WIPF2: variants seen among roughly 807,000 people sequenced by gnomAD.
The protein encoded by WIPF2 is WAS/WASL-interacting protein family member 2.
In WIPF2, 23 loss-of-function variants were observed where a neutral mutation model predicts 38.8. The observed-to-expected ratio is 0.59, with a 90% CI of 0.43 to 0.84. WIPF2 has a LOEUF of 0.84. WIPF2 is among the 40% of genes least tolerant of loss of function. The probability of loss-of-function intolerance (pLI) is 0.00; values close to 1 mark genes in which losing one functional copy is unlikely to be tolerated. For missense variants in WIPF2, 574 were observed against 580.5 expected, an observed-to-expected ratio of 0.99 and a Z score of 0.11; for synonymous variants, 210 against 223.2, an observed-to-expected ratio of 0.94 and a Z score of 0.53.
At position 40,273,698 on chromosome 17, in the gene WIPF2, G is replaced by T. The variant is rs562667705; in HGVS notation, c.971-92G>T. The T allele has an allele frequency of 3.7e-5, 29 of 788,626 alleles. No individual in the cohort carries two copies. The Admixed American group carries it at 5.5e-4, about 15-fold the overall frequency. 48.9% of individuals were successfully genotyped at this position (788,626 alleles called of 1,614,324 possible). A position where few individuals can be genotyped will look rare whatever the true frequency, so the allele number is the denominator to read the frequency against. ...AACCAGGCACTGTGAGCCTCTGTGGGGTGTGTTACTCTTTTAGCTCATGTG... is the reference window on the plus strand; with the variant it reads ...AACCAGGCACTGTGAGCCTCTGTGGTGTGTGTTACTCTTTTAGCTCATGTG... On this transcript the variant is annotated intron_variant, in intron 5 of 7. Transcript: ENST00000323571.
At chr17:40,219,652 C>T (rs2030084521) in intron 1 of WIPF2, 160 bp downstream of exon 1, 1 of 8,512 alleles carries the variant, frequency 1.2e-4, no homozygotes. Flanking sequence ...CGGGTGGGGC[C>T]TGAGGGGCGG....
intron 1 of WIPF2, among the ~76,000 whole-genome samples, chr17:40,232,677 T>A (rs1434641159): frequency 6.6e-6 from 1 of 151,582 alleles, no homozygotes; most frequent in Non-Finnish European, 1.5e-5. Context: ...GTTTCACTCG[T>A]TGCCCAGGCT....
chr17:40,278,256 G>A lies in WIPF2; in HGVS notation c.*31G>A. ...GGCTTGGTCCCGTTCCTCAGGAAAA[G>A]GATGGACCTTCTCTTCTTCTCAGAT... On this transcript the variant is annotated 3_prime_UTR_variant, in exon 8 of 8. Coordinates refer to ENST00000323571, the MANE Select transcript of WIPF2 (RefSeq NM_133264.5). 1.2e-6 allele frequency: 2 copies of A among 1,611,860 alleles called. No homozygotes were observed. The highest frequency in any genetic ancestry group is 1.7e-6 in the Non-Finnish European group (2 of 1,178,920).
At chr17:40,277,350 C>T (rs1255434611) in intron 7 of WIPF2, among the ~76,000 whole-genome samples, 166 bp downstream of exon 7, 1 of 152,112 alleles carries the variant, frequency 6.6e-6, no homozygotes, top group Non-Finnish European at 1.5e-5. Context: ...AATTCGAGAC[C>T]AGCCTGACCA....
intron 1 of WIPF2, among the ~76,000 whole-genome samples, chr17:40,245,668 C>T (rs895840673): frequency 2.6e-5 from 4 of 151,954 alleles, no homozygotes; most frequent in East Asian, 3.9e-4. Flanking sequence ...TTGTTGTGGG[C>T]GGCTGTCTTA....
chr17:40,219,662 G>C (rs1476601326), intron 1 of WIPF2, 170 bp downstream of exon 1: 1 of 150,376 alleles, frequency 6.6e-6, no homozygotes, highest in African/African-American at 2.5e-5. Flanking sequence ...CTGAGGGGCG[G>C]GGGGCCGGGG....
At chr17:40,219,847 G>C (rs965399241) in intron 1 of WIPF2, 1 of 152,558 alleles carries the variant, frequency 6.6e-6, no homozygotes, top group Admixed American at 6.6e-5. Flanking sequence ...TGTGAGGAAC[G>C]AGGTAATCGT....
intron 1 of WIPF2, among the ~76,000 whole-genome samples, chr17:40,224,210 A>ATTTTT (rs748140162): frequency 8.8e-5 from 9 of 102,356 alleles, no homozygotes; most frequent in African/African-American, 3.3e-4. Flanking sequence ...CAGCCTGCTT[A>ATTTTT]TTTTTTTTTT....
In WIPF2 at chr17:40,219,410, A is replaced by G; in HGVS notation, c.-152A>G. On this transcript the variant is annotated 5_prime_UTR_variant, in exon 1 of 8. Coordinates refer to ENST00000323571, the MANE Select transcript of WIPF2 (RefSeq NM_133264.5). ...GCGGCGGCGGCGGCGACGGCGAGAAAGAGCTTGCCGGGGGGCGAGCAGGAC... is the reference window on the plus strand; with the variant it reads ...GCGGCGGCGGCGGCGACGGCGAGAAGGAGCTTGCCGGGGGGCGAGCAGGAC... 8.0e-6 allele frequency: 3 copies of G among 374,166 alleles called. No homozygotes were observed. Among genetic ancestry groups the G allele is most frequent in the Non-Finnish European group, 1.5e-5 (3 of 196,606 alleles). 23.2% of individuals were successfully genotyped at this position (374,166 alleles called of 1,614,324 possible). A position where few individuals can be genotyped will look rare whatever the true frequency, so the allele number is the denominator to read the frequency against.
chr17:40,236,984 G>C (rs1029607870), intron 1 of WIPF2, among the ~76,000 whole-genome samples: 6 of 151,976 alleles, frequency 3.9e-5, no homozygotes, highest in African/African-American at 1.5e-4. Flanking sequence ...CTTTATCCCT[G>C]ACATTCTGAA....
At chr17:40,254,628 G>C (rs2031662764) in intron 1 of WIPF2, among the ~76,000 whole-genome samples, 1 of 152,130 alleles carries the variant, frequency 6.6e-6, no homozygotes. Flanking sequence ...ATAAATGGCT[G>C]TCAGATTCCA....
At chr17:40,220,666 C>CCCTGTTGT (rs1448325625) in intron 1 of WIPF2, 1 of 142,230 alleles carries the variant, frequency 7.0e-6, no homozygotes, top group Non-Finnish European at 1.5e-5. Context: ...CAGAGTCTTG[C>CCCTGTTGT]CCTGTTGTCC....
At chr17:40,248,254 TCCCAGGTTCAAGTGATTCTC>T (rs1184099372) in intron 1 of WIPF2, among the ~76,000 whole-genome samples, 2 of 136,184 alleles carry the variant, frequency 1.5e-5, no homozygotes, top group South Asian at 5.0e-4. Context: ...AACTTCTGCC[TCCCAGGTTCAAGTGATTCTC>T]GCACTTCAGC....
intron 1 of WIPF2, among the ~76,000 whole-genome samples, chr17:40,226,188 G>GT (rs2030476074): frequency 7.2e-6 from 1 of 139,454 alleles, no homozygotes; most frequent in East Asian, 2.1e-4. Flanking sequence ...GGGATAGTTG[G>GT]TAAAAAAAAA....
chr17:40,279,794 A>G lies in WIPF2; in HGVS notation c.*1569A>G, dbSNP rs2032504530. The G allele has an allele frequency of 6.7e-6, 1 of 150,106 alleles. No homozygotes were observed. The highest frequency in any genetic ancestry group is 2.5e-5 in the African/African-American group (1 of 40,310). The allele number at this position is 150,106 out of a possible 1,614,324, so 9.3% of individuals were successfully genotyped here. On this transcript the variant is annotated 3_prime_UTR_variant, in exon 8 of 8. Coordinates refer to ENST00000323571, the MANE Select transcript of WIPF2 (RefSeq NM_133264.5). ...TGGGGAAAATTAGCTTAAAAATTTA[A>G]TCACGAGATTGCGCCACTGCACTCC...
rs750722091 is a variant in WIPF2, at chr17:40,262,579, A to C, written c.251A>C (p.Lys84Thr). The C allele has an allele frequency of 6.2e-7, 1 of 1,614,026 alleles. No individual in the cohort carries two copies. Among genetic ancestry groups the C allele is most frequent in the Admixed American group, 1.7e-5 (1 of 60,018 alleles). The change falls in exon 4 of 8, where the codon AAG (lysine) becomes ACG (threonine). Residue 84 changes from lysine to threonine, a missense_variant. Coordinates refer to ENST00000323571, the MANE Select transcript of WIPF2 (RefSeq NM_133264.5). ...TCTGGAGGAGCTGCCCTGCAGCCCA[A>C]GGGAGGTCTCTTCCAAGGAGGAGTG... Reference protein sequence around the residue: ...YGSGGAALQPKGGLFQGGVLK... With the variant: ...YGSGGAALQPTGGLFQGGVLK...
At chr17:40,255,392 T>G in intron 1 of WIPF2, among the ~76,000 whole-genome samples, 1 of 151,872 alleles carries the variant, frequency 6.6e-6, no homozygotes, top group Non-Finnish European at 1.5e-5. Context: ...GTGCGACATC[T>G]GCTCACCCCA....
chr17:40,261,262 G>C (rs2031892736), intron 3 of WIPF2, among the ~76,000 whole-genome samples: 1 of 152,046 alleles, frequency 6.6e-6, no homozygotes, highest in Non-Finnish European at 1.5e-5. Context: ...CTGAGATGTG[G>C]AGAGAAGAGC....
intron 1 of WIPF2, among the ~76,000 whole-genome samples, chr17:40,228,443 A>C (rs2030594192): frequency 6.6e-6 from 1 of 152,170 alleles, no homozygotes; most frequent in African/African-American, 2.4e-5. Context: ...GAAGAAGCAT[A>C]TATATTTGGC....
Sources: gnomAD v4.1 joint callset for allele counts (sites outside exome capture counted in the v4.1 genomes callset) on GRCh38, gnomAD v4.1.1 for gene constraint, MANE v1.5 for transcripts, NCBI Gene and HGNC (gene_info 2026-07-23, HGNC 2026-07-21) for gene names.